Variants in ZNF469 observed in about 807,000 individuals in gnomAD.
ZNF469 encodes the protein zinc finger protein 469.
A neutral mutation model predicts 1.0 loss-of-function variants in ZNF469; 1 was observed. That is an observed-to-expected ratio of 1.00 (90% confidence interval 0.35 to 4.73). The LOEUF is 4.73. ZNF469 is among the 30% of genes most tolerant of loss of function. The pLI is 0.16. For synonymous variants in ZNF469, 2,703 were observed against 2,363.4 expected, an observed-to-expected ratio of 1.14 and a Z score of -4.17; for missense variants, 6,100 against 5,356.3, an observed-to-expected ratio of 1.14 and a Z score of -4.33.
At position 88,431,756 on chromosome 16, in the gene ZNF469, T is replaced by C. The variant is rs62047114; in HGVS notation, c.4286T>C (p.Leu1429Pro). Reference sequence around the variant, plus strand: ...GATGCCGGTTCCCTCGAGCCACAGCTGCCAAGGAGCCCACCTGGCACCGCT... The same window carrying C: ...GATGCCGGTTCCCTCGAGCCACAGCCGCCAAGGAGCCCACCTGGCACCGCT... The part of the protein sequence containing the change: ...GEDAGSLEPQ[L>P]PRSPPGTAET... Residue 1429 changes from leucine (L) to proline (P), a missense_variant, in exon 3 of 3, where the codon CTG (leucine) becomes CCG (proline). Leu to Pro is a moderately conservative substitution (Grantham distance 98). Transcript: ENST00000565624. 2 of 1,549,994 alleles carry C rather than the reference T, an allele frequency of 1.3e-6. No homozygotes were observed. The highest frequency in any genetic ancestry group is 1.7e-6 in the Non-Finnish European group (2 of 1,146,940).
At chr16:88,317,987 C>T in the ZNF469 span, among the ~76,000 whole-genome samples, 1 of 152,256 alleles carries the variant, frequency 6.6e-6, no homozygotes, top group African/African-American at 2.4e-5. Flanking sequence ...GCCTTTCCTC[C>T]TGCTTCCTCC....
the ZNF469 span, among the ~76,000 whole-genome samples, chr16:88,309,697 G>A: frequency 6.6e-6 from 1 of 151,012 alleles, no homozygotes; most frequent in South Asian, 2.1e-4. Flanking sequence ...CTGACGGGGG[G>A]AGTGCCCTCT....
At chr16:88,205,963 G>T in the ZNF469 span, among the ~76,000 whole-genome samples, 4 of 152,020 alleles carry the variant, frequency 2.6e-5, no homozygotes, top group South Asian at 2.1e-4. The surrounding 1 kb of genome is among the most constrained non-coding windows in gnomAD (Gnocchi z 4.2). Context: ...GGAAGGGGGG[G>T]GCCCAGCCCA....
At chr16:88,294,223 A>G in the ZNF469 span, among the ~76,000 whole-genome samples, 3 of 152,218 alleles carry the variant, frequency 2.0e-5, no homozygotes, top group South Asian at 4.1e-4. Context: ...CAAGATGCCA[A>G]TCAGAACCAA....
chr16:88,386,611 C>T (rs1330659534), intron 1 of ZNF469, among the ~76,000 whole-genome samples: 1 of 152,298 alleles, frequency 6.6e-6, no homozygotes, highest in East Asian at 1.9e-4. Flanking sequence ...CGGAGGGTCC[C>T]GTCACATCCA....
the ZNF469 span, among the ~76,000 whole-genome samples, chr16:88,204,191 C>T: frequency 2.6e-4 from 37 of 143,824 alleles, no homozygotes; most frequent in African/African-American, 5.2e-4. Flanking sequence ...CAGCCGGAGG[C>T]GCCCCGTAAC....
chr16:88,242,599 T>G, the ZNF469 span, among the ~76,000 whole-genome samples: 3 of 152,238 alleles, frequency 2.0e-5, no homozygotes, highest in Non-Finnish European at 4.4e-5. Flanking sequence ...GACTTCTACA[T>G]GTGCACTTTG....
the ZNF469 span, among the ~76,000 whole-genome samples, chr16:88,185,829 C>A: frequency 3.3e-5 from 5 of 151,364 alleles, no homozygotes; most frequent in African/African-American, 9.7e-5. Flanking sequence ...GTGCCCAGAC[C>A]TACAGACACA....
chr16:88,321,267 A>T, the ZNF469 span, among the ~76,000 whole-genome samples: 81 of 152,384 alleles, frequency 5.3e-4, no homozygotes, highest in African/African-American at 1.9e-3. Context: ...CTGGAAACCC[A>T]GGCAGGAGCT....
the ZNF469 span, among the ~76,000 whole-genome samples, chr16:88,229,688 A>G: frequency 3.4e-5 from 5 of 148,328 alleles, no homozygotes; most frequent in Admixed American, 1.3e-4. Context: ...CTGATGCCAT[A>G]CGTGTGGATG....
Position 88,439,255 on chromosome 16 carries a change from A to G in ZNF469, c.11785A>G (p.Ser3929Gly), listed in dbSNP as rs1906837731. The change falls in exon 3 of 3, where the codon AGT becomes GGT. Residue 3929 changes from serine to glycine, a missense_variant. Physicochemically the swap from Ser to Gly is moderately conservative, Grantham distance 56. Coordinates refer to ENST00000565624, the MANE Select transcript of ZNF469 (RefSeq NM_001367624.2). ...PHTHRTAEAQ[S>G]DLLSQLFGQR... ...CACCCACCGGACGGCCGAGGCCCAG[A>G]GTGACCTCCTCAGCCAGCTCTTCGG... is the stretch of plus-strand genomic sequence containing the variant. 6.4e-7 allele frequency: 1 copy of G among 1,550,388 alleles called. No homozygotes were observed. The highest frequency in any genetic ancestry group is 8.7e-7 in the Non-Finnish European group (1 of 1,146,996).
chr16:88,344,379 AG>A, the ZNF469 span, among the ~76,000 whole-genome samples: 1 of 152,164 alleles, frequency 6.6e-6, no homozygotes, highest in Non-Finnish European at 1.5e-5. Context: ...ACCCTAAGTG[AG>A]GGGTGGACAC....
chr16:88,117,772 G>T, the ZNF469 span, among the ~76,000 whole-genome samples: 1 of 152,220 alleles, frequency 6.6e-6, no homozygotes. Context: ...AGCCCCGGTC[G>T]TGTGCAAGTG....
chr16:88,234,200 T>C, the ZNF469 span, among the ~76,000 whole-genome samples: 25 of 152,328 alleles, frequency 1.6e-4, no homozygotes, highest in African/African-American at 5.8e-4. Context: ...TCTTCTGAGA[T>C]CACTGCGTTT....
chr16:88,151,316 G>A, the ZNF469 span, among the ~76,000 whole-genome samples: 3 of 152,234 alleles, frequency 2.0e-5, no homozygotes, highest in South Asian at 4.1e-4. This position sits in a 1 kb window ranked among gnomAD's most constrained non-coding sequence, Gnocchi z 5.4. Context: ...GAGCGTCCAC[G>A]TGGTCAGCCA....
At chr16:88,169,567 C>T in the ZNF469 span, among the ~76,000 whole-genome samples, 19 of 152,194 alleles carry the variant, frequency 1.2e-4, no homozygotes, top group Non-Finnish European at 2.1e-4. The surrounding 1 kb of genome is among the most constrained non-coding windows in gnomAD (Gnocchi z 6.1). Flanking sequence ...GAGCTGAGTC[C>T]GGGGCTTAGA....
At chr16:88,421,415 G>C (rs1344684195) in intron 1 of ZNF469, among the ~76,000 whole-genome samples, 1 of 152,198 alleles carries the variant, frequency 6.6e-6, no homozygotes, top group Non-Finnish European at 1.5e-5. Context: ...ACACCGACAG[G>C]CTGGCACCAA....
chr16:88,317,575 G>A, the ZNF469 span, among the ~76,000 whole-genome samples: 16 of 152,196 alleles, frequency 1.1e-4, no homozygotes, highest in Admixed American at 3.9e-4. Flanking sequence ...AGTCTCCATC[G>A]TGCTGAGGCT....
At chr16:88,232,101 C>A in the ZNF469 span, among the ~76,000 whole-genome samples, 1 of 152,116 alleles carries the variant, frequency 6.6e-6, no homozygotes, top group Non-Finnish European at 1.5e-5. Context: ...GGCCCTCAGA[C>A]CTCGACCACG....
Sources: gnomAD v4.1 joint callset for allele counts (sites outside exome capture counted in the v4.1 genomes callset) on GRCh38, gnomAD v4.1.1 for gene constraint, Gnocchi (gnomAD v3.1) non-coding constraint, MANE v1.5 for transcripts, NCBI Gene and HGNC (gene_info 2026-07-23, HGNC 2026-07-21) for gene names.